Variants in ERICH6B observed in about 807,000 individuals in gnomAD.
The protein encoded by ERICH6B is glutamate-rich protein 6B.
In ERICH6B, 69 loss-of-function variants were observed where a neutral mutation model predicts 80.0. The observed-to-expected ratio is 0.86, with a 90% confidence interval of 0.71 to 1.05. The LOEUF is 1.05. Among genes scored for constraint, ERICH6B ranks in the 50% least tolerant of loss-of-function variants. ERICH6B has a pLI of 0.00. For synonymous variants in ERICH6B, 283 were observed against 291.9 expected (o/e 0.97, Z 0.31); for missense variants, 754 against 796.1 (o/e 0.95, Z 0.64).
At chr13:45,609,314 G>A (rs1360118171) in intron 1 of ERICH6B, among the ~76,000 whole-genome samples, 2 of 152,148 alleles carry the variant, frequency 1.3e-5, no homozygotes, top group African/African-American at 4.8e-5. Context: ...ACCTCAGGAT[G>A]CTTCCACTTG....
Position 45,602,500 on chromosome 13 carries a change from G to C in ERICH6B, c.-59+5064C>G, listed in dbSNP as rs117830138. Among the ~76,000 whole-genome samples the C allele has an allele frequency of 3.0e-4, 46 of 152,238 alleles. No individual in the cohort carries two copies. The East Asian group carries it at 8.7e-3, about 29-fold the overall frequency. On this transcript the variant is annotated intron_variant, in intron 2 of 14. Transcript: ENST00000298738. The stretch of plus-strand genomic sequence containing the variant: ...TTCCACTCATCACTGGCCTTTTTCA[G>C]TCCTGGGGGAGCCAGGATGAAGAGT...
chr13:45,565,336 C>T (rs966541462), intron 9 of ERICH6B, among the ~76,000 whole-genome samples: 5 of 152,216 alleles, frequency 3.3e-5, no homozygotes, highest in African/African-American at 7.2e-5. Flanking sequence ...CCTGGTGCCA[C>T]TGCTGGAGAG....
At chr13:45,563,931 C>T (rs1344663505) in intron 9 of ERICH6B, 143 bp from the exon 10 acceptor site, 1 of 670,034 alleles carries the variant, frequency 1.5e-6, no homozygotes, top group Non-Finnish European at 2.6e-6. Flanking sequence ...TCTAGGCCAG[C>T]TTTCTTCGAG....
Position 45,556,300 on chromosome 13 carries a change from G to A in ERICH6B, c.1407+5069C>T, listed in dbSNP as rs560898963. ...CTAGGGCACCGTAGGTTCTCCACAT[G>A]TATTTACTGAAGACATGAAGACTAT... On this transcript the variant is annotated intron_variant, in intron 11 of 14. Transcript: ENST00000298738. Among the ~76,000 whole-genome samples, 3 of 152,170 alleles carry A rather than the reference G, an allele frequency of 2.0e-5. No homozygotes were observed. In the South Asian group the frequency reaches 6.2e-4, roughly 32 times the overall value.
At chr13:45,612,968 C>T (rs1949908284) in intron 1 of ERICH6B, among the ~76,000 whole-genome samples, 1 of 152,174 alleles carries the variant, frequency 6.6e-6, no homozygotes, top group South Asian at 2.1e-4. Flanking sequence ...AATGTGAAGA[C>T]TGGACTCTTC....
rs1486369209 is a variant in ERICH6B, at chr13:45,550,238, G to A, written c.1486C>T (p.Gln496Ter). 5 of 1,551,288 alleles carry A rather than the reference G, an allele frequency of 3.2e-6. No homozygotes were observed. The East Asian group carries it at 1.2e-4, about 38-fold the overall frequency. The change falls in exon 12 of 15, where the codon CAG becomes TAG. Residue 496 changes from glutamine to a stop codon, truncating the protein, a stop_gained. Coordinates refer to ENST00000298738, the MANE Select transcript of ERICH6B (RefSeq NM_182542.3). LOFTEE classifies it high-confidence loss of function. ...YQILFPDGTG[Q>*]IHYPSGNLAM... The stretch of plus-strand genomic sequence containing the variant: ...CTGTGCTTCTGTGGATACTGTATCT[G>A]GCCTGTCCCATCAGGAAAGAGAATT...
rs1474839140 is a variant in ERICH6B at position 45,596,574 on chromosome 13, C to A, written c.432G>T (p.Gly144=). The A allele has an allele frequency of 5.2e-6, 8 of 1,546,816 alleles. No homozygotes were observed. Among genetic ancestry groups the A allele is most frequent in the Admixed American group, 4.0e-5 (2 of 50,608 alleles). Residue 144 remains glycine (G), a synonymous_variant, in exon 3 of 15, where the codon GGG becomes GGT. Coordinates refer to ENST00000298738, the MANE Select transcript of ERICH6B (RefSeq NM_182542.3). The stretch of plus-strand genomic sequence containing the variant: ...CAATATAATCTTCCTTCTCCAGATA[C>A]CCTTCCTTCCCCAGATACTCTTCCT... ...LEEEEYLGKE[G]YLEKEDYIEE...
intron 1 of ERICH6B, among the ~76,000 whole-genome samples, chr13:45,614,245 T>C (rs564052388): frequency 1.3e-5 from 2 of 152,294 alleles, no homozygotes; most frequent in Admixed American, 1.3e-4. Context: ...ATTCACTCAT[T>C]AAAACCCAAC....
intron 10 of ERICH6B, among the ~76,000 whole-genome samples, chr13:45,561,949 C>T (rs1381020255): frequency 6.6e-6 from 1 of 151,878 alleles, no homozygotes; most frequent in East Asian, 1.9e-4. Context: ...GTCAGGGAGT[C>T]ATCAAAAAAA....
intron 14 of ERICH6B, among the ~76,000 whole-genome samples, chr13:45,542,203 C>T (rs1303636925): frequency 6.6e-6 from 1 of 152,196 alleles, no homozygotes; most frequent in Non-Finnish European, 1.5e-5. Context: ...GACAGAGTCT[C>T]CTGGAGGGGA....
chr13:45,587,014 G>A (rs1417710701), intron 5 of ERICH6B, 49 bp downstream of exon 5: 2 of 1,518,348 alleles, frequency 1.3e-6, no homozygotes, highest in Non-Finnish European at 8.9e-7. Flanking sequence ...TCCTCCCCTG[G>A]CCCACAGAGC....
rs17066954 is a variant in ERICH6B, at chr13:45,596,486, A to T, written c.520T>A (p.Ser174Thr). The change falls in exon 3 of 15, where the codon TCA (serine) becomes ACA (threonine). Residue 174 changes from serine to threonine, a missense_variant. Physicochemically the swap from Ser to Thr is moderately conservative, Grantham distance 58. Transcript: ENST00000298738. ...LEEEEYLGKKSYLEEEKALEK... is the reference protein window; with the variant it reads ...LEEEEYLGKKTYLEEEKALEK... ...AGAGCCTTTTCCTCTTCTAGATATG[A>T]TTTCTTCCCCAGATACTCCTCCTCC... The T allele has an allele frequency of 0.085, 131,264 of 1,549,514 alleles. 7,355 individuals carry two copies. Among genetic ancestry groups the T allele is most frequent in the East Asian group, 0.28 (11,568 of 40,816 alleles).
intron 3 of ERICH6B, among the ~76,000 whole-genome samples, chr13:45,591,322 T>C (rs142983154): frequency 6.6e-6 from 1 of 152,124 alleles, no homozygotes; most frequent in Admixed American, 6.5e-5. Flanking sequence ...CTCGGCTGGG[T>C]GAGGTGGCTC....
intron 11 of ERICH6B, among the ~76,000 whole-genome samples, chr13:45,553,988 CTT>C (rs1214555352): frequency 6.6e-6 from 1 of 152,112 alleles, no homozygotes; most frequent in Non-Finnish European, 1.5e-5. Context: ...AATCTACTCT[CTT>C]AGCAATTTTC....
At chr13:45,560,441 T>G (rs1234284609) in intron 11 of ERICH6B, among the ~76,000 whole-genome samples, 1 of 152,188 alleles carries the variant, frequency 6.6e-6, no homozygotes, top group African/African-American at 2.4e-5. Flanking sequence ...TTTGTTATAA[T>G]TGGTGAACCT....
chr13:45,578,948 G>C (rs1018801593), intron 7 of ERICH6B, among the ~76,000 whole-genome samples: 1 of 152,206 alleles, frequency 6.6e-6, no homozygotes, highest in Non-Finnish European at 1.5e-5. Flanking sequence ...TACTTAGGAG[G>C]CTGAGGTGGA....
chr13:45,606,527 ATATATATATATATATATATATTTT>A (rs1949863857), intron 2 of ERICH6B, among the ~76,000 whole-genome samples: 1 of 31,934 alleles, frequency 3.1e-5, no homozygotes, highest in Admixed American at 4.8e-4. Context: ...ATATATATAT[ATATATATATATATATATATATTTT>A]TTTTTTTTTT....
At chr13:45,574,415 C>G (rs1272636539) in intron 8 of ERICH6B, among the ~76,000 whole-genome samples, 1 of 152,200 alleles carries the variant, frequency 6.6e-6, no homozygotes, top group African/African-American at 2.4e-5. Flanking sequence ...TGATGACTCC[C>G]CATCTCATCT....
Position 45,549,918 on chromosome 13 carries a change from A to G in ERICH6B, c.1621T>C (p.Phe541Leu), listed in dbSNP as rs1308184761. 1.3e-6 allele frequency: 2 copies of G among 1,551,400 alleles called. No homozygotes were observed. Among genetic ancestry groups the G allele is most frequent in the Non-Finnish European group, 1.7e-6 (2 of 1,146,938 alleles). ...ALINNSGNAT[F>L]YDENSDIWLN... Reference sequence around the variant, plus strand: ...CAGATATCACTATTTTCATCATAGAAGGTAGCATTGCCTGAGTTGTTGATA... The same window carrying G: ...CAGATATCACTATTTTCATCATAGAGGGTAGCATTGCCTGAGTTGTTGATA... The change falls in exon 13 of 15, where the codon TTC (phenylalanine) becomes CTC (leucine). Residue 541 changes from phenylalanine to leucine, a missense_variant. Coordinates refer to ENST00000298738, the MANE Select transcript of ERICH6B (RefSeq NM_182542.3).
Sources: gnomAD v4.1 joint callset for allele counts (sites outside exome capture counted in the v4.1 genomes callset) on GRCh38, gnomAD v4.1.1 for gene constraint, MANE v1.5 for transcripts, NCBI Gene and HGNC (gene_info 2026-07-23, HGNC 2026-07-21) for gene names.